HS3ST4: variants seen among roughly 807,000 people sequenced by gnomAD.
HS3ST4 encodes heparan sulfate glucosamine 3-O-sulfotransferase 4.
A neutral mutation model predicts 29.2 loss-of-function variants in HS3ST4; 17 were observed. The ratio of observed to expected loss-of-function variants is 0.58; its 90% CI spans 0.40 to 0.87. The LOEUF is 0.87. Among genes scored for constraint, HS3ST4 ranks in the 40% least tolerant of loss-of-function variants. HS3ST4 has a pLI of 0.00. For missense variants in HS3ST4, 627 were observed against 634.5 expected, an observed-to-expected ratio of 0.99 and a Z score of 0.13; for synonymous variants, 314 against 285.7, an observed-to-expected ratio of 1.10 and a Z score of -1.00.
At chr16:26,119,484 C>T (rs1899243641) in intron 1 of HS3ST4, among the ~76,000 whole-genome samples, 1 of 152,090 alleles carries the variant, frequency 6.6e-6, no homozygotes, top group Non-Finnish European at 1.5e-5. Flanking sequence ...GTGCTGATTC[C>T]CAGGTTTTAG....
chr16:25,855,239 G>A (rs920198949), intron 1 of HS3ST4, among the ~76,000 whole-genome samples: 1 of 152,104 alleles, frequency 6.6e-6, no homozygotes, highest in Non-Finnish European at 1.5e-5. Context: ...AGGGGGATGG[G>A]TGTGGAAGTC....
intron 1 of HS3ST4, among the ~76,000 whole-genome samples, chr16:25,999,854 TA>T (rs1969194252): frequency 7.9e-6 from 1 of 126,840 alleles, no homozygotes; most frequent in South Asian, 2.2e-4. Flanking sequence ...TTATATATAT[TA>T]TATATATATT....
At chr16:26,044,616 A>C (rs1403474485) in intron 1 of HS3ST4, among the ~76,000 whole-genome samples, 1 of 152,074 alleles carries the variant, frequency 6.6e-6, no homozygotes, top group South Asian at 2.1e-4. Flanking sequence ...TTACATGGTA[A>C]ATGTAAGTTA....
chr16:25,881,259 T>C (rs890326785), intron 1 of HS3ST4, among the ~76,000 whole-genome samples: 21 of 152,206 alleles, frequency 1.4e-4, no homozygotes, highest in African/African-American at 5.1e-4. Context: ...AGCTTCCTTT[T>C]GGTTTTTGGT....
intron 1 of HS3ST4, among the ~76,000 whole-genome samples, chr16:25,907,562 C>A (rs918030596): frequency 2.0e-5 from 3 of 152,184 alleles, no homozygotes; most frequent in Non-Finnish European, 4.4e-5. Flanking sequence ...TAGCCGCCTG[C>A]CATGGCTGGA....
chr16:25,959,972 C>T (rs573352954), intron 1 of HS3ST4, among the ~76,000 whole-genome samples: 1 of 152,076 alleles, frequency 6.6e-6, no homozygotes, highest in African/African-American at 2.4e-5. Context: ...CCATCTCTAC[C>T]AAAAATACAA....
intron 1 of HS3ST4, among the ~76,000 whole-genome samples, chr16:25,709,670 T>C (rs368268980): frequency 9.2e-5 from 14 of 151,916 alleles, no homozygotes; most frequent in African/African-American, 3.1e-4. Flanking sequence ...TCTGCATCTT[T>C]TCTTTAACCG....
chr16:26,041,703 A>G (rs1969637468), intron 1 of HS3ST4, among the ~76,000 whole-genome samples: 4 of 152,220 alleles, frequency 2.6e-5, no homozygotes, highest in South Asian at 2.1e-4. Flanking sequence ...TTGTGTTTCA[A>G]TAAAACCTTA....
chr16:25,860,146 G>A (rs899563300), intron 1 of HS3ST4, among the ~76,000 whole-genome samples: 1 of 152,002 alleles, frequency 6.6e-6, no homozygotes. Context: ...CCAATCCCTG[G>A]TGCCAAAAAG....
chr16:25,770,169 T>C (rs1172672554), intron 1 of HS3ST4, among the ~76,000 whole-genome samples: 1 of 152,212 alleles, frequency 6.6e-6, no homozygotes, highest in East Asian at 1.9e-4. Flanking sequence ...TTTCTCTGCT[T>C]TTTCTAGGGA....
chr16:26,029,955 C>G (rs1272059645), intron 1 of HS3ST4, among the ~76,000 whole-genome samples: 1 of 152,186 alleles, frequency 6.6e-6, no homozygotes, highest in Non-Finnish European at 1.5e-5. Context: ...AAACACCCGT[C>G]CCCTGAGCAC....
At chr16:25,803,157 A>G (rs1488324443) in intron 1 of HS3ST4, among the ~76,000 whole-genome samples, 2 of 152,030 alleles carry the variant, frequency 1.3e-5, no homozygotes, top group Non-Finnish European at 2.9e-5. Flanking sequence ...TGTAATTGTA[A>G]TAAGTTTGCA....
chr16:26,032,337 A>G (rs1420855919), intron 1 of HS3ST4, among the ~76,000 whole-genome samples: 1 of 152,086 alleles, frequency 6.6e-6, no homozygotes, highest in African/African-American at 2.4e-5. Flanking sequence ...TCTCCACATC[A>G]ATCCAGCTTT....
rs147139332 is a variant in HS3ST4 at position 25,804,737 on chromosome 16, C to T, written c.734+111586C>T. Among the ~76,000 whole-genome samples the T allele has an allele frequency of 3.2e-4, 49 of 152,158 alleles. No individual in the cohort carries two copies. In the East Asian group the frequency reaches 7.3e-3, roughly 23 times the overall value. ...TAGCTTGTTATTTGCCCCCCAAAACCGCACAACATTTTTTTCTAGGGTTTT... is the reference window on the plus strand; with the variant it reads ...TAGCTTGTTATTTGCCCCCCAAAACTGCACAACATTTTTTTCTAGGGTTTT... On this transcript the variant is annotated intron_variant, in intron 1 of 1. Coordinates refer to ENST00000331351, the MANE Select transcript of HS3ST4 (RefSeq NM_006040.3).
intron 1 of HS3ST4, among the ~76,000 whole-genome samples, chr16:25,961,685 T>C (rs1968794322): frequency 6.6e-6 from 1 of 152,172 alleles, no homozygotes; most frequent in Admixed American, 6.5e-5. Flanking sequence ...CCAAGCATTA[T>C]TTTATTCAAA....
At chr16:26,023,798 T>C (rs1447259619) in intron 1 of HS3ST4, among the ~76,000 whole-genome samples, 3 of 152,220 alleles carry the variant, frequency 2.0e-5, no homozygotes, top group Non-Finnish European at 4.4e-5. Flanking sequence ...ATGCACATGA[T>C]GTTTGCTGCA....
intron 1 of HS3ST4, among the ~76,000 whole-genome samples, chr16:26,075,218 A>G (rs1337228944): frequency 6.6e-6 from 1 of 152,170 alleles, no homozygotes; most frequent in Non-Finnish European, 1.5e-5. Context: ...ACCATGTGTC[A>G]TTAAGTTGAG....
chr16:25,828,340 T>TCTCTCTCTC (rs1967257357), intron 1 of HS3ST4, among the ~76,000 whole-genome samples: 4 of 64,066 alleles, frequency 6.2e-5, no homozygotes, highest in East Asian at 4.3e-4. Flanking sequence ...CTCTCTCTCT[T>TCTCTCTCTC]TCTCCCTTTC....
At chr16:25,804,906 A>G (rs997494034) in intron 1 of HS3ST4, among the ~76,000 whole-genome samples, 6 of 151,986 alleles carry the variant, frequency 3.9e-5, no homozygotes, top group Non-Finnish European at 8.8e-5. Flanking sequence ...AGTTACTATT[A>G]TTGTCTATTA....
Sources: allele counts gnomAD v4.1 joint callset (sites outside exome capture counted in the v4.1 genomes callset), GRCh38; gene constraint gnomAD v4.1.1; transcripts MANE v1.5; gene names NCBI Gene and HGNC (gene_info 2026-07-23, HGNC 2026-07-21).